TEX13A: variants seen among roughly 807,000 people sequenced by gnomAD.
The protein encoded by TEX13A is testis expressed 13A.
A neutral mutation model predicts 7.1 loss-of-function variants in TEX13A; 8 were observed. The observed-to-expected ratio is 1.12, with a 90% CI of 0.66 to 2.03. TEX13A has a LOEUF of 2.03. TEX13A is among the 30% of genes most tolerant of loss of function. TEX13A has a pLI of 0.00. For missense variants in TEX13A, 362 were observed against 332.2 expected, an observed-to-expected ratio of 1.09 and a Z score of -0.70; for synonymous variants, 151 against 134.2, an observed-to-expected ratio of 1.13 and a Z score of -0.87.
chrX:105,220,647 C>T lies in TEX13A; in HGVS notation c.-85G>A. The T allele has an allele frequency of 6.6e-6, 2 of 305,263 alleles. No individual in the cohort carries two copies. Among genetic ancestry groups the T allele is most frequent in the East Asian group, 9.2e-5 (2 of 21,640 alleles). The allele number at this position is 305,263 out of a possible 1,213,427, so 25.2% of individuals were successfully genotyped here. A position where few individuals can be genotyped will look rare whatever the true frequency, so the allele number is the denominator to read the frequency against. Reference sequence around the variant, plus strand: ...AGGCCAACCCCGCTGTCTTAACACGCCCGAAGAGAGAGGAAGATCTCTCTC... The same window carrying T: ...AGGCCAACCCCGCTGTCTTAACACGTCCGAAGAGAGAGGAAGATCTCTCTC... On this transcript the variant is annotated 5_prime_UTR_variant, in exon 1 of 3. Coordinates refer to ENST00000600991, the MANE Select transcript of TEX13A (RefSeq NM_031274.5).
At position 105,219,387 on chromosome X, in the gene TEX13A, C is replaced by T. The variant is rs111640100; in HGVS notation, c.807G>A (p.Ser269=). The T allele has an allele frequency of 7.8e-3, 9,468 of 1,208,173 alleles. 80 individuals are homozygous for T. Among genetic ancestry groups the T allele is most frequent in the Non-Finnish European group, 7.1e-3 (6,312 of 894,659 alleles). Residue 269 remains serine, a synonymous_variant, in exon 3 of 3, where the codon TCG becomes TCA. Coordinates refer to ENST00000600991, the MANE Select transcript of TEX13A (RefSeq NM_031274.5). ...AGAAATAAGATGTGGCTGTTTCGAC[C>T]GACCGGAGATCTCCCTCCTTCTGCC... ...YWGQKEGDLR[S]VETATSYFSG...
At chrX:105,220,521 C>A in intron 1 of TEX13A, 74 bp downstream of exon 1, 1 of 668,229 alleles carries the variant, frequency 1.5e-6, no homozygotes, top group Non-Finnish European at 2.1e-6. Context: ...CCGCCCTACC[C>A]GCTCTGACAA....
rs782166550 is a variant in TEX13A at position 105,220,302 on chromosome X, G to A, written c.96C>T (p.Pro32=). 6.3e-5 allele frequency: 76 copies of A among 1,208,499 alleles called. No individual in the cohort carries two copies. The highest frequency in any genetic ancestry group is 6.9e-5 in the Non-Finnish European group (62 of 894,367). ...NEKMARHTKG[P]EFYLENISLS... ...AGGATATATTCTCAAGATAGAACTCGGGGCCTTTCGTGTGCCTGGCCATTT... is the reference window on the plus strand; with the variant it reads ...AGGATATATTCTCAAGATAGAACTCAGGGCCTTTCGTGTGCCTGGCCATTT... The change falls in exon 2 of 3, where the codon CCC becomes CCT. Residue 32 remains proline (P), a synonymous_variant. Transcript: ENST00000600991.
Position 105,220,660 on chromosome X carries a change from G to A in TEX13A, c.-98C>T. 3.4e-6 allele frequency: 1 copy of A among 292,852 alleles called. No individual in the cohort carries two copies. Among genetic ancestry groups the A allele is most frequent in the Non-Finnish European group, 6.0e-6 (1 of 165,928 alleles). The allele number at this position is 292,852 out of a possible 1,213,427, so 24.1% of individuals were successfully genotyped here. ...TGTCTTAACACGCCCGAAGAGAGAG[G>A]AAGATCTCTCTCCCTCCTAAGGTTC... is the stretch of plus-strand genomic sequence containing the variant. On this transcript the variant is annotated 5_prime_UTR_variant, in exon 1 of 3. Transcript: ENST00000600991.
At position 105,219,190 on chromosome X, in the gene TEX13A, T is replaced by G; in HGVS notation, c.1004A>C (p.Asp335Ala). 1 of 1,209,965 alleles carries G rather than the reference T, an allele frequency of 8.3e-7. No homozygotes were observed. Among genetic ancestry groups the G allele is most frequent in the Non-Finnish European group, 1.1e-6 (1 of 894,474 alleles). Residue 335 changes from aspartate (D) to alanine (A), a missense_variant, in exon 3 of 3, where the codon GAC becomes GCC. By Grantham distance (126) the Asp-to-Ala change is moderately radical (BLOSUM62 -2). Transcript: ENST00000600991. The part of the protein sequence containing the change: ...TAPVPPQLPS[D>A]WEAFDTSLWS... The stretch of plus-strand genomic sequence containing the variant: ...CAGGCTAGTATCAAAGGCCTCCCAG[T>G]CGGAAGGCAGCTGAGGCGGAACTGG...
rs781908901 is a variant in TEX13A at position 105,219,020 on chromosome X, G to T, written c.1174C>A (p.Arg392=). ...CPWCNAVNFS[R]RDTCFDCGKG... is the part of the protein sequence containing the mutation. ...CCACAGTCGAAGCAAGTATCCCTCC[G>T]TGAAAAATTCACAGCGTTACACCAA... Residue 392 remains arginine (R), a synonymous_variant, in exon 3 of 3, where the codon CGG becomes AGG. Transcript: ENST00000600991. 3.3e-6 allele frequency: 4 copies of T among 1,211,253 alleles called. No individual in the cohort carries two copies. Among genetic ancestry groups the T allele is most frequent in the Non-Finnish European group, 4.5e-6 (4 of 895,206 alleles).
At position 105,219,671 on chromosome X, in the gene TEX13A, C is replaced by T; in HGVS notation, c.523G>A (p.Glu175Lys). The T allele has an allele frequency of 8.3e-7, 1 of 1,210,611 alleles. No homozygotes were observed. The highest frequency in any genetic ancestry group is 1.1e-6 in the Non-Finnish European group (1 of 895,395). ...AGGVCTEGAAEEEEEAAVAAA... is the reference protein window; with the variant it reads ...AGGVCTEGAAKEEEEAAVAAA... The stretch of plus-strand genomic sequence containing the variant: ...GCCACCGCCGCCTCTTCTTCCTCCT[C>T]AGCTGCTCCTTCTGTGCAAACCCCT... The change falls in exon 3 of 3, where the codon GAG becomes AAG. Residue 175 changes from glutamate to lysine, a missense_variant. Coordinates refer to ENST00000600991, the MANE Select transcript of TEX13A (RefSeq NM_031274.5).
intron 1 of TEX13A, 39 bp downstream of exon 1, chrX:105,220,556 G>A (rs1420005520): frequency 7.7e-5 from 37 of 481,550 alleles, no homozygotes; most frequent in Non-Finnish European, 7.5e-5. Flanking sequence ...CCCCCTGACC[G>A]GCTTGTCCTA....
chrX:105,219,666 C>T lies in TEX13A; in HGVS notation c.528G>A (p.Glu176=). Residue 176 remains glutamate, a synonymous_variant, in exon 3 of 3, where the codon GAG becomes GAA. Transcript: ENST00000600991. ...CAGCAGCCACCGCCGCCTCTTCTTC[C>T]TCCTCAGCTGCTCCTTCTGTGCAAA... is the stretch of plus-strand genomic sequence containing the variant. ...GGVCTEGAAE[E]EEEAAVAAAG... The T allele has an allele frequency of 8.3e-7, 1 of 1,210,435 alleles. No homozygotes were observed. The highest frequency in any genetic ancestry group is 1.1e-6 in the Non-Finnish European group (1 of 895,281).
At position 105,219,362 on chromosome X, in the gene TEX13A, A is replaced by G. The variant is rs1556174132; in HGVS notation, c.832T>C (p.Ser278Pro). The G allele has an allele frequency of 3.3e-6, 4 of 1,211,365 alleles. No individual in the cohort carries two copies. The South Asian group carries it at 5.3e-5, about 16-fold the overall frequency. ...RSVETATSYF[S>P]GTTNPWSRAS... Reference sequence around the variant, plus strand: ...CTGGACCAGGGGTTCGTGGTTCCAGAGAAATAAGATGTGGCTGTTTCGACC... The same window carrying G: ...CTGGACCAGGGGTTCGTGGTTCCAGGGAAATAAGATGTGGCTGTTTCGACC... The change falls in exon 3 of 3, where the codon TCT (serine) becomes CCT (proline). Residue 278 changes from serine (S) to proline (P), a missense_variant. Ser to Pro is a moderately conservative substitution (Grantham distance 74). Transcript: ENST00000600991.
Position 105,219,719 on chromosome X carries a change from A to C in TEX13A, c.475T>G (p.Trp159Gly), listed in dbSNP as rs1556177481. 3.3e-6 allele frequency: 4 copies of C among 1,203,379 alleles called. No homozygotes were observed. The highest frequency in any genetic ancestry group is 4.5e-6 in the Non-Finnish European group (4 of 893,499). The change falls in exon 3 of 3, where the codon TGG becomes GGG. Residue 159 changes from tryptophan (W) to glycine (G), a missense_variant. Physicochemically the swap from Trp to Gly is radical, Grantham distance 184. Coordinates refer to ENST00000600991, the MANE Select transcript of TEX13A (RefSeq NM_031274.5). ...CCTCCGGCAGTGGCCAGGCCTGGCCACCCTGCCCCCTGCTCCCACTCATGG... is the reference window on the plus strand; with the variant it reads ...CCTCCGGCAGTGGCCAGGCCTGGCCCCCCTGCCCCCTGCTCCCACTCATGG... The part of the protein sequence containing the change: ...SPHEWEQGAG[W>G]PGLATAGGVC...
Position 105,219,197 on chromosome X carries a change from G to T in TEX13A, c.997C>A (p.Pro333Thr). ...TVTAPVPPQL[P>T]SDWEAFDTSL... ...GTATCAAAGGCCTCCCAGTCGGAAG[G>T]CAGCTGAGGCGGAACTGGTGCTGTG... The change falls in exon 3 of 3, where the codon CCT (proline) becomes ACT (threonine). Residue 333 changes from proline to threonine, a missense_variant. Physicochemically the swap from Pro to Thr is conservative, Grantham distance 38. Coordinates refer to ENST00000600991, the MANE Select transcript of TEX13A (RefSeq NM_031274.5). 1 of 1,211,029 alleles carries T rather than the reference G, an allele frequency of 8.3e-7. No individual in the cohort carries two copies. The highest frequency in any genetic ancestry group is 1.1e-6 in the Non-Finnish European group (1 of 895,099).
In TEX13A at chrX:105,219,216, T is replaced by C. The variant is rs200857924; in HGVS notation, c.978A>G (p.Ala326=). ...TISPPQATVT[A]PVPPQLPSDW... is the part of the protein sequence containing the mutation. The stretch of plus-strand genomic sequence containing the variant: ...CGGAAGGCAGCTGAGGCGGAACTGG[T>C]GCTGTGACTGTTGCTTGTGGAGGGG... The change falls in exon 3 of 3, where the codon GCA becomes GCG. Residue 326 remains alanine (A), a synonymous_variant. Coordinates refer to ENST00000600991, the MANE Select transcript of TEX13A (RefSeq NM_031274.5). The C allele has an allele frequency of 1.5e-4, 183 of 1,208,494 alleles. No homozygotes were observed. The African/African-American group carries it at 2.9e-3, about 19-fold the overall frequency.
In TEX13A at chrX:105,220,047, C is replaced by G; in HGVS notation, c.351G>C (p.Gln117His). The G allele has an allele frequency of 8.3e-7, 1 of 1,211,767 alleles. No individual in the cohort carries two copies. The highest frequency in any genetic ancestry group is 1.1e-6 in the Non-Finnish European group (1 of 895,347). Residue 117 changes from glutamine (Q) to histidine (H), a missense_variant, in exon 2 of 3, where the codon CAG (glutamine) becomes CAC (histidine). By Grantham distance (24) the Gln-to-His change is conservative. Transcript: ENST00000600991. Reference protein sequence around the residue: ...LASDLKKLREQQETERKEAAS... With the variant: ...LASDLKKLREHQETERKEAAS... ...CCGCCTCCTTGCGTTCCGTCTCCTGCTGCTCCCTGAGCTTCTTCAGGTCTG... is the reference window on the plus strand; with the variant it reads ...CCGCCTCCTTGCGTTCCGTCTCCTGGTGCTCCCTGAGCTTCTTCAGGTCTG...
chrX:105,220,368 G>A lies in TEX13A; in HGVS notation c.30C>T (p.Ser10=), dbSNP rs368896806. The A allele has an allele frequency of 4.3e-5, 51 of 1,192,662 alleles. No homozygotes were observed. Among genetic ancestry groups the A allele is most frequent in the Non-Finnish European group, 5.1e-5 (45 of 885,087 alleles). Residue 10 remains serine (S), a synonymous_variant, in exon 2 of 3, where the codon AGC becomes AGT. Transcript: ENST00000600991. ...CCACCACGTTGCTATGCCGGAACCCGCTACTGGGGTCCTCAGGTCTCAAGG... is the reference window on the plus strand; with the variant it reads ...CCACCACGTTGCTATGCCGGAACCCACTACTGGGGTCCTCAGGTCTCAAGG... MALRPEDPS[S]GFRHSNVVAF...
Position 105,220,265 on chromosome X carries a change from T to A in TEX13A, c.133A>T (p.Lys45Ter). The A allele has an allele frequency of 8.3e-7, 1 of 1,210,924 alleles. No homozygotes were observed. The highest frequency in any genetic ancestry group is 1.1e-6 in the Non-Finnish European group (1 of 895,245). The change falls in exon 2 of 3, where the codon AAG becomes TAG. Residue 45 changes from lysine (K) to a stop codon, truncating the protein, a stop_gained. Coordinates refer to ENST00000600991, the MANE Select transcript of TEX13A (RefSeq NM_031274.5). LOFTEE classifies it high-confidence loss of function. The part of the protein sequence containing the change: ...YLENISLSWE[K>*]VEDKLRAILE... ...ATGGCCCTCAGCTTGTCTTCCACCT[T>A]CTCCCAGGATAAGGATATATTCTCA...
Position 105,219,697 on chromosome X carries a change from C to G in TEX13A, c.497G>C (p.Gly166Ala), listed in dbSNP as rs1477713898. The part of the protein sequence containing the change: ...GAGWPGLATA[G>A]GVCTEGAAEE... ...AGCTGCTCCTTCTGTGCAAACCCCT[C>G]CGGCAGTGGCCAGGCCTGGCCACCC... The change falls in exon 3 of 3, where the codon GGA (glycine) becomes GCA (alanine). Residue 166 changes from glycine to alanine, a missense_variant. Gly to Ala is a moderately conservative substitution (Grantham distance 60). Transcript: ENST00000600991. The G allele has an allele frequency of 8.3e-7, 1 of 1,207,654 alleles. No homozygotes were observed. The highest frequency in any genetic ancestry group is 1.8e-5 in the African/African-American group (1 of 57,138).
chrX:105,219,863 C>A, intron 2 of TEX13A, 100 bp downstream of exon 2: 1 of 1,086,330 alleles, frequency 9.2e-7, no homozygotes, highest in Non-Finnish European at 1.2e-6. Flanking sequence ...CAGGGCGAAG[C>A]CATGGAGCAG....
At position 105,219,716 on chromosome X, in the gene TEX13A, G is replaced by T. The variant is rs781918561; in HGVS notation, c.478C>A (p.Pro160Thr). The change falls in exon 3 of 3, where the codon CCA becomes ACA. Residue 160 changes from proline to threonine, a missense_variant. Pro to Thr is a conservative substitution (Grantham distance 38). Transcript: ENST00000600991. ...ACCCCTCCGGCAGTGGCCAGGCCTG[G>T]CCACCCTGCCCCCTGCTCCCACTCA... ...PHEWEQGAGWPGLATAGGVCT... is the reference protein window; with the variant it reads ...PHEWEQGAGWTGLATAGGVCT... 66 of 1,205,931 alleles carry T rather than the reference G, an allele frequency of 5.5e-5. No individual in the cohort carries two copies. The highest frequency in any genetic ancestry group is 7.2e-5 in the Non-Finnish European group (64 of 894,625).
Sources: allele counts gnomAD v4.1 joint callset, GRCh38; gene constraint gnomAD v4.1.1; transcripts MANE v1.5; gene names NCBI Gene and HGNC (gene_info 2026-07-23, HGNC 2026-07-21).